The following MYO7B variants were observed in gnomAD, a reference collection of about 807,000 sequenced individuals.
MYO7B encodes myosin VIIB.
MYO7B carries 212 observed loss-of-function variants against 259.7 expected under a neutral mutation model. The ratio of observed to expected loss-of-function variants is 0.82; its 90% CI spans 0.73 to 0.91. MYO7B has a LOEUF of 0.91. Ranked by LOEUF, MYO7B falls within the 40% of genes least tolerant of loss-of-function variation. MYO7B has a pLI of 0.00. For missense variants in MYO7B, 2,732 were observed against 2,813.5 expected (o/e 0.97, Z 0.66); for synonymous variants, 1,197 against 1,166.4 (o/e 1.03, Z -0.54).
intron 42 of MYO7B, 45 bp downstream of exon 42, chr2:127,634,728 G>T: frequency 6.5e-7 from 1 of 1,528,758 alleles, no homozygotes; most frequent in African/African-American, 1.5e-5. Context: ...GGCTGGGTGG[G>T]TCGAGGGGGC....
intron 1 of MYO7B, among the ~76,000 whole-genome samples, chr2:127,554,810 G>C (rs1249481369): frequency 6.6e-6 from 1 of 152,082 alleles, no homozygotes; most frequent in East Asian, 1.9e-4. Context: ...TTTAAATTAG[G>C]AGGGTGTATT....
Position 127,565,293 on chromosome 2 carries a change from C to T in MYO7B, c.193C>T (p.Gln65Ter), listed in dbSNP as rs368687036. ...VLSPMHPNSVQGVDDMIRLGD... is the reference protein window; with the variant it reads ...VLSPMHPNSV ...CAGTCCCATGCACCCCAACTCAGTC[C>T]AGGGTGTGGACGACATGATCCGCCT... The change falls in exon 4 of 48, where the codon CAG becomes TAG. Residue 65 changes from glutamine to a stop codon, truncating the protein, a stop_gained. Coordinates refer to ENST00000409816, the MANE Select transcript of MYO7B (RefSeq NM_001393586.1). LOFTEE classifies it high-confidence loss of function. 3.7e-6 allele frequency: 6 copies of T among 1,613,886 alleles called. No individual in the cohort carries two copies. Among genetic ancestry groups the T allele is most frequent in the Non-Finnish European group, 5.1e-6 (6 of 1,179,874 alleles).
In MYO7B at chr2:127,627,046, G is replaced by A. The variant is rs750133889; in HGVS notation, c.4287G>A (p.Gln1429=). 3.1e-6 allele frequency: 5 copies of A among 1,612,340 alleles called. No individual in the cohort carries two copies. In the Admixed American group the frequency reaches 8.3e-5, roughly 27 times the overall value. Residue 1429 remains glutamine (Q), a synonymous_variant, in exon 32 of 48, where the codon CAG becomes CAA. Coordinates refer to ENST00000409816, the MANE Select transcript of MYO7B (RefSeq NM_001393586.1). This position sits in a 1 kb window ranked among gnomAD's most constrained non-coding sequence, Gnocchi z 5.6. ...REQVVDAARL[Q]WPLLFSRLFE... Reference sequence around the variant, plus strand: ...AGGTGGTGGACGCCGCCCGCCTGCAGTGGCCGCTGCTCTTCTCCCGGCTCT... The same window carrying A: ...AGGTGGTGGACGCCGCCCGCCTGCAATGGCCGCTGCTCTTCTCCCGGCTCT...
Position 127,636,405 on chromosome 2 carries a change from C to A in MYO7B, c.6123+81C>A. ...CCCCAGCAGGCCCAGCGTCAACCAG[C>A]ACACATCTTGGGTGGGGCTGGCCGT... On this transcript the variant is annotated intron_variant, in intron 45 of 47. Transcript: ENST00000409816. The surrounding 1 kb of genome is among the most constrained non-coding windows in gnomAD (Gnocchi z 4.5). 1 of 1,470,434 alleles carries A rather than the reference C, an allele frequency of 6.8e-7. No individual in the cohort carries two copies. 91.1% of individuals were successfully genotyped at this position (1,470,434 alleles called of 1,614,324 possible).
chr2:127,592,053 G>A (rs1277399872), intron 16 of MYO7B, among the ~76,000 whole-genome samples: 1 of 152,194 alleles, frequency 6.6e-6, no homozygotes, highest in Non-Finnish European at 1.5e-5. Flanking sequence ...AAGTGCCTGC[G>A]GGGCAGCTTT....
At chr2:127,596,394 C>A in intron 18 of MYO7B, 68 bp from the exon 19 acceptor site, 3 of 1,296,764 alleles carry the variant, frequency 2.3e-6, no homozygotes, top group Non-Finnish European at 3.3e-6. Context: ...GGAGACAGAG[C>A]CCTGGCCCCA....
rs1355658901 is a variant in MYO7B, at chr2:127,636,557, C to G, written c.6136C>G (p.Pro2046Ala). The G allele has an allele frequency of 1.9e-6, 3 of 1,611,604 alleles. 1 individual carries two copies. The highest frequency in any genetic ancestry group is 1.7e-4 in the Middle Eastern group (1 of 6,060). ...CCCTCCCTCCCAGCAAACCTCGGAG[C>G]CTTCCTACCCGGACGTCATCCTCAT... ...AFFEVKQTSE[P>A]SYPDVILIAI... The change falls in exon 46 of 48, where the codon CCT (proline) becomes GCT (alanine). Residue 2046 changes from proline to alanine, a missense_variant. Pro to Ala is a conservative substitution (Grantham distance 27). Around this residue, in one of 3 missense-constraint regions of MYO7B, gnomAD observed 821 missense variants for 769.3 expected, o/e 1.07. Transcript: ENST00000409816. The surrounding 1 kb of genome is among the most constrained non-coding windows in gnomAD (Gnocchi z 4.5).
At chr2:127,637,268 A>C (rs1573736980) in intron 47 of MYO7B, 48 bp from the exon 48 acceptor site, 1 of 1,420,520 alleles carries the variant, frequency 7.0e-7, no homozygotes, top group Non-Finnish European at 9.7e-7. Context: ...CAGGACCCCC[A>C]CCTGCCCTCT....
chr2:127,624,511 C>CCGG (rs1260689649), intron 30 of MYO7B, among the ~76,000 whole-genome samples, 191 bp downstream of exon 30: 3 of 152,346 alleles, frequency 2.0e-5, no homozygotes, highest in African/African-American at 7.2e-5. Flanking sequence ...GTCCAAGCCT[C>CCGG]CGGGGTCCGT....
intron 1 of MYO7B, among the ~76,000 whole-genome samples, chr2:127,538,570 CTTT>C (rs376082743): frequency 6.9e-6 from 1 of 144,168 alleles, no homozygotes. Context: ...TTGTTTCTTT[CTTT>C]TTTTTTTTTT....
rs1336141735 is a variant in MYO7B at position 127,596,543 on chromosome 2, G to A, written c.2326G>A (p.Gly776Ser). 3 of 1,612,140 alleles carry A rather than the reference G, an allele frequency of 1.9e-6. No homozygotes were observed. Among genetic ancestry groups the A allele is most frequent in the Non-Finnish European group, 2.5e-6 (3 of 1,179,252 alleles). Residue 776 changes from glycine to serine, a missense_variant, in exon 19 of 48, where the codon GGC becomes AGC. Gly to Ser is a moderately conservative substitution (Grantham distance 56, BLOSUM62 0). Coordinates refer to ENST00000409816, the MANE Select transcript of MYO7B (RefSeq NM_001393586.1). ...AALSIQKVLRGYRYRKEFLRQ... is the reference protein window; with the variant it reads ...AALSIQKVLRSYRYRKEFLRQ... ...GCTCAGCATCCAGAAAGTCCTTCGG[G>A]GCTACAGATACAGGTGCCGGCCCCA...
In MYO7B at chr2:127,592,811, G is replaced by C; in HGVS notation, c.2010G>C (p.Leu670=). ...GCCCACAGCTGTTCGACCGGGAGCT[G>C]TGCCTGCGGCAGCTGCGATACTCGG... is the stretch of plus-strand genomic sequence containing the variant. ...YKKPLLFDRE[L]CLRQLRYSGM... is the part of the protein sequence containing the mutation. The change falls in exon 17 of 48, where the codon CTG becomes CTC. Residue 670 remains leucine, a synonymous_variant. Transcript: ENST00000409816. 1.9e-6 allele frequency: 3 copies of C among 1,610,552 alleles called. No individual in the cohort carries two copies. Among genetic ancestry groups the C allele is most frequent in the South Asian group, 2.2e-5 (2 of 90,412 alleles).
chr2:127,618,245 C>T (rs1159335048), intron 26 of MYO7B, among the ~76,000 whole-genome samples: 1 of 152,036 alleles, frequency 6.6e-6, no homozygotes, highest in Non-Finnish European at 1.5e-5. Flanking sequence ...ACCGTCATTA[C>T]GAGACGGAAC....
chr2:127,543,704 T>C (rs1693097887), intron 1 of MYO7B, among the ~76,000 whole-genome samples: 1 of 151,814 alleles, frequency 6.6e-6, no homozygotes, highest in Non-Finnish European at 1.5e-5. Context: ...TATATATGTA[T>C]ATATATATCC....
chr2:127,630,667 CCTGGGCCTG>C, intron 35 of MYO7B, 102 bp from the exon 36 acceptor site: 7 of 1,501,824 alleles, frequency 4.7e-6, no homozygotes, highest in Non-Finnish European at 6.3e-6. Flanking sequence ...CCTGTTCAGC[CCTGGGCCTG>C]ACCCCTCCCA....
At position 127,569,826 on chromosome 2, in the gene MYO7B, C is replaced by T. The variant is rs371196605; in HGVS notation, c.508C>T (p.Leu170Phe). Reference sequence around the variant, plus strand: ...GGCTGGCAAGACGGAGACCACCAAGCTCATCCTGCAGTTCCTGGCCACCAT... The same window carrying T: ...GGCTGGCAAGACGGAGACCACCAAGTTCATCCTGCAGTTCCTGGCCACCAT... ...SGAGKTETTKLILQFLATISG... is the reference protein window; with the variant it reads ...SGAGKTETTKFILQFLATISG... The change falls in exon 6 of 48, where the codon CTC becomes TTC. Residue 170 changes from leucine (L) to phenylalanine (F), a missense_variant. Leu to Phe is a conservative substitution (Grantham distance 22). Around this residue, in one of 3 missense-constraint regions of MYO7B, gnomAD observed 1,906 missense variants for 2,026.4 expected, o/e 0.94. Transcript: ENST00000409816. 9.3e-6 allele frequency: 15 copies of T among 1,613,344 alleles called. No individual in the cohort carries two copies. The African/African-American group carries it at 9.3e-5, about 10-fold the overall frequency.
chr2:127,550,185 G>A (rs1027011788), intron 1 of MYO7B, among the ~76,000 whole-genome samples: 2 of 152,114 alleles, frequency 1.3e-5, no homozygotes, highest in African/African-American at 4.8e-5. Context: ...TTTGAACTAG[G>A]GGAGATGTTC....
chr2:127,593,753 C>A, intron 18 of MYO7B, 109 bp downstream of exon 18: 2 of 990,696 alleles, frequency 2.0e-6, no homozygotes, highest in Non-Finnish European at 3.1e-6. Flanking sequence ...GCCAATGACA[C>A]TGGGCAGCAG....
rs1181164924 is a variant in MYO7B at position 127,622,010 on chromosome 2, C to T, written c.3554C>T (p.Pro1185Leu). The change falls in exon 28 of 48, where the codon CCG becomes CTG. Residue 1185 changes from proline to leucine, a missense_variant. Around this residue, in one of 3 missense-constraint regions of MYO7B, gnomAD observed 1,906 missense variants for 2,026.4 expected, o/e 0.94. Transcript: ENST00000409816. ...CTACTGAACTTCATCGGCCAAGGGC[C>T]GGCGACCTACGGCCCCTTCTGTGCC... The part of the protein sequence containing the change: ...KYLLNFIGQG[P>L]ATYGPFCAER... The T allele has an allele frequency of 5.8e-6, 9 of 1,551,678 alleles. No homozygotes were observed. Among genetic ancestry groups the T allele is most frequent in the Admixed American group, 3.9e-5 (2 of 50,996 alleles).
Sources: allele counts gnomAD v4.1 joint callset (sites outside exome capture counted in the v4.1 genomes callset), GRCh38; gene constraint gnomAD v4.1.1; regional missense constraint gnomAD v4.1.1; non-coding constraint Gnocchi (gnomAD v3.1); transcripts MANE v1.5; gene names NCBI Gene and HGNC (gene_info 2026-07-23, HGNC 2026-07-21).